SGCZ: variants seen among roughly 807,000 people sequenced by gnomAD.
The protein encoded by SGCZ is sarcoglycan zeta, also known as zeta-sarcoglycan.
SGCZ carries 40 observed loss-of-function variants against 41.3 expected under a neutral mutation model. The observed-to-expected ratio is 0.97, with a 90% CI of 0.75 to 1.26. The LOEUF (loss-of-function observed/expected upper bound fraction) is 1.26, where lower values mean the gene tolerates loss of function less well. Ranked by LOEUF, SGCZ falls within the 50% of genes most tolerant of loss-of-function variation. The pLI is 0.00. For missense variants in SGCZ, 552 were observed against 369.8 expected (o/e 1.49, Z -4.04); for synonymous variants, 206 against 137.5 (o/e 1.50, Z -3.49).
intron 3 of SGCZ, among the ~76,000 whole-genome samples, chr8:14,241,360 AG>A (rs1798878945): frequency 6.6e-6 from 1 of 150,646 alleles, no homozygotes; most frequent in South Asian, 2.1e-4. Context: ...GTTATGTAAA[AG>A]TAAGAAAGTA....
intron 1 of SGCZ, among the ~76,000 whole-genome samples, chr8:14,583,138 G>C (rs1804948786): frequency 1.3e-5 from 2 of 150,170 alleles, no homozygotes; most frequent in Non-Finnish European, 3.0e-5. Flanking sequence ...GTGTAAAAGT[G>C]TTCCTATTTC....
intron 1 of SGCZ, among the ~76,000 whole-genome samples, chr8:15,031,352 T>G (rs1044332161): frequency 1.3e-5 from 2 of 152,172 alleles, no homozygotes; most frequent in Non-Finnish European, 2.9e-5. Context: ...TGACTAGTAG[T>G]GTCTGCCACT....
intron 1 of SGCZ, among the ~76,000 whole-genome samples, chr8:15,121,321 T>C (rs1807468844): frequency 1.3e-5 from 2 of 152,214 alleles, no homozygotes; most frequent in South Asian, 2.1e-4. Flanking sequence ...CTACAACAAA[T>C]GACATTTCTT....
intron 1 of SGCZ, among the ~76,000 whole-genome samples, chr8:15,013,160 C>T (rs1802901413): frequency 6.6e-6 from 1 of 152,040 alleles, no homozygotes; most frequent in Admixed American, 6.6e-5. Flanking sequence ...ACTTATCTCC[C>T]TTATTTGATT....
chr8:15,202,713 T>C (rs868262971), intron 1 of SGCZ, among the ~76,000 whole-genome samples: 6 of 152,302 alleles, frequency 3.9e-5, no homozygotes, highest in South Asian at 4.1e-4. Flanking sequence ...TCAGACATTT[T>C]ACATATATTT....
At chr8:15,156,758 A>C (rs1799341173) in intron 1 of SGCZ, among the ~76,000 whole-genome samples, 1 of 152,088 alleles carries the variant, frequency 6.6e-6, no homozygotes, top group Non-Finnish European at 1.5e-5. Flanking sequence ...AGCCTGGCCA[A>C]CATGGTGAAA....
chr8:14,436,127 G>C (rs1044057101), intron 2 of SGCZ, among the ~76,000 whole-genome samples: 1 of 152,102 alleles, frequency 6.6e-6, no homozygotes, highest in African/African-American at 2.4e-5. Context: ...GGAAGGGAGC[G>C]AGAGAATAAA....
chr8:14,468,225 G>A (rs1176331135), intron 2 of SGCZ, among the ~76,000 whole-genome samples: 1 of 152,056 alleles, frequency 6.6e-6, no homozygotes, highest in African/African-American at 2.4e-5. Flanking sequence ...CAGATAGAAT[G>A]ATATATACAG....
chr8:14,735,571 C>G (rs1013649849), intron 1 of SGCZ, among the ~76,000 whole-genome samples: 1 of 152,134 alleles, frequency 6.6e-6, no homozygotes, highest in African/African-American at 2.4e-5. Flanking sequence ...TATTGGCTTC[C>G]CTACTTTTGA....
chr8:14,543,565 T>A (rs1803533282), intron 2 of SGCZ, among the ~76,000 whole-genome samples: 1 of 152,218 alleles, frequency 6.6e-6, no homozygotes, highest in East Asian at 1.9e-4. Flanking sequence ...TCCTTGTCCA[T>A]GGTGCTGTAA....
chr8:14,968,616 A>G (rs1801193710), intron 1 of SGCZ, among the ~76,000 whole-genome samples: 1 of 152,170 alleles, frequency 6.6e-6, no homozygotes, highest in African/African-American at 2.4e-5. Context: ...TGTACAGATG[A>G]TTGAGAAAAC....
intron 1 of SGCZ, among the ~76,000 whole-genome samples, chr8:14,740,127 C>G (rs1799156746): frequency 6.6e-6 from 1 of 152,002 alleles, no homozygotes; most frequent in Admixed American, 6.6e-5. Context: ...CATTATATAA[C>G]TTCTAGAGGT....
At chr8:14,516,344 G>A (rs1049462770) in intron 2 of SGCZ, among the ~76,000 whole-genome samples, 1 of 151,484 alleles carries the variant, frequency 6.6e-6, no homozygotes, top group Admixed American at 6.6e-5. Context: ...TTCCTTCTTC[G>A]TGTTAATAAG....
chr8:14,155,653 C>CAAAG (rs1263762358), intron 5 of SGCZ, among the ~76,000 whole-genome samples: 1 of 150,882 alleles, frequency 6.6e-6, no homozygotes, highest in East Asian at 1.9e-4. Context: ...AATATGGATT[C>CAAAG]AAAGATTTTT....
chr8:14,294,415 G>T (rs2116953910), intron 3 of SGCZ, among the ~76,000 whole-genome samples: 1 of 151,792 alleles, frequency 6.6e-6, no homozygotes. Context: ...GGAAAGAAAG[G>T]TACCTCCAAG....
In SGCZ at chr8:14,554,772, G is replaced by T; in HGVS notation, c.194C>A (p.Ala65Asp). 1 of 1,612,880 alleles carries T rather than the reference G, an allele frequency of 6.2e-7. No homozygotes were observed. Residue 65 changes from alanine to aspartate, a missense_variant, in exon 2 of 8, where the codon GCC (alanine) becomes GAC (aspartate). Transcript: ENST00000382080. ...AACTTTCAATATCCATATTGTCATG[G>T]CTAAGTTAACTATCATGGTAACCAA... Reference protein sequence around the residue: ...LLLVTMIVNLAMTIWILKVMN... With the variant: ...LLLVTMIVNLDMTIWILKVMN...
At chr8:14,892,772 G>A (rs943627220) in intron 1 of SGCZ, among the ~76,000 whole-genome samples, 1 of 152,066 alleles carries the variant, frequency 6.6e-6, no homozygotes. Context: ...TAATTTCCAT[G>A]TATCACTTGC....
At chr8:14,389,110 G>T (rs1363997502) in intron 2 of SGCZ, among the ~76,000 whole-genome samples, 3 of 151,906 alleles carry the variant, frequency 2.0e-5, no homozygotes, top group Non-Finnish European at 2.9e-5. Context: ...AAACTCAGTG[G>T]ATCAGCTATG....
chr8:14,314,268 G>T (rs1261947215), intron 3 of SGCZ, among the ~76,000 whole-genome samples: 2 of 149,044 alleles, frequency 1.3e-5, no homozygotes, highest in Non-Finnish European at 3.0e-5. Context: ...TTTAATGAGG[G>T]TCTTCTATCA....
Sources: allele counts gnomAD v4.1 joint callset (sites outside exome capture counted in the v4.1 genomes callset), GRCh38; gene constraint gnomAD v4.1.1; transcripts MANE v1.5; gene names NCBI Gene and HGNC (gene_info 2026-07-23, HGNC 2026-07-21).